CCSER1: variants seen among roughly 807,000 people sequenced by gnomAD.
CCSER1 encodes serine-rich coiled-coil domain-containing protein 1.
CCSER1 carries 41 observed loss-of-function variants against 82.0 expected under a neutral mutation model. The observed-to-expected ratio is 0.50, with a 90% CI of 0.39 to 0.65. The LOEUF (loss-of-function observed/expected upper bound fraction) is 0.65, where lower values mean the gene tolerates loss of function less well. Ranked by LOEUF, CCSER1 falls within the 30% of genes least tolerant of loss-of-function variation. The pLI is 0.00. For missense variants in CCSER1, 1,119 were observed against 1,064.2 expected (o/e 1.05, Z -0.72); for synonymous variants, 414 against 383.9 (o/e 1.08, Z -0.92).
At chr4:90,605,479 T>C (rs1190118760) in intron 5 of CCSER1, among the ~76,000 whole-genome samples, 1 of 152,180 alleles carries the variant, frequency 6.6e-6, no homozygotes, top group Admixed American at 6.5e-5. Flanking sequence ...ACTTAGAAAG[T>C]TTTGAGAAAC....
chr4:90,554,841 TG>T (rs1474571031), intron 5 of CCSER1, among the ~76,000 whole-genome samples: 1 of 152,226 alleles, frequency 6.6e-6, no homozygotes, highest in Non-Finnish European at 1.5e-5. Flanking sequence ...TTTATGCTAC[TG>T]ATCTTTTTAG....
At chr4:90,423,487 G>A (rs971129584) in intron 4 of CCSER1, among the ~76,000 whole-genome samples, 2 of 152,078 alleles carry the variant, frequency 1.3e-5, no homozygotes, top group Non-Finnish European at 2.9e-5. Context: ...GCCTCCCAAA[G>A]TGCGGGGAAT....
intron 1 of CCSER1, among the ~76,000 whole-genome samples, chr4:90,303,835 A>C (rs1231491524): frequency 6.6e-6 from 1 of 151,198 alleles, no homozygotes. Context: ...TCTGCACAGC[A>C]AAAGAAACTA....
intron 8 of CCSER1, among the ~76,000 whole-genome samples, chr4:90,841,544 T>G (rs1482122386): frequency 6.8e-6 from 1 of 147,106 alleles, no homozygotes; most frequent in Non-Finnish European, 1.5e-5. Context: ...CTCCACTGTA[T>G]TCCAGCCTGG....
intron 10 of CCSER1, among the ~76,000 whole-genome samples, chr4:91,389,805 G>T (rs1171883483): frequency 2.0e-5 from 3 of 151,838 alleles, no homozygotes; most frequent in Non-Finnish European, 4.4e-5. Context: ...TATTGTATTA[G>T]ATTTTTACTT....
rs568364263 is a variant in CCSER1 at position 90,167,537 on chromosome 4, A to G, written c.-42+39706A>G. ...TGTGCACAATGTGCAGGTTTGTTAC[A>G]TATGTATACATGTGCCATGTTGGTG... On this transcript the variant is annotated intron_variant, in intron 1 of 10. Coordinates refer to ENST00000509176, the MANE Select transcript of CCSER1 (RefSeq NM_001145065.2). Among the ~76,000 whole-genome samples, 167 of 152,216 alleles carry G rather than the reference A, an allele frequency of 1.1e-3. 3 individuals are homozygous for G. The South Asian group carries it at 0.033, about 30-fold the overall frequency.
chr4:91,265,901 A>G (rs1466724326), intron 10 of CCSER1, among the ~76,000 whole-genome samples: 1 of 152,174 alleles, frequency 6.6e-6, no homozygotes, highest in African/African-American at 2.4e-5. Flanking sequence ...ATGGTCTCAC[A>G]GTTTCACGTG....
chr4:91,230,549 T>A (rs958956875), intron 10 of CCSER1, among the ~76,000 whole-genome samples: 1 of 152,060 alleles, frequency 6.6e-6, no homozygotes, highest in African/African-American at 2.4e-5. Context: ...GTAGAGATTT[T>A]TAAAATTACT....
At chr4:90,838,146 A>G (rs927229018) in intron 8 of CCSER1, among the ~76,000 whole-genome samples, 15 of 151,864 alleles carry the variant, frequency 9.9e-5, no homozygotes, top group African/African-American at 3.4e-4. Context: ...GTAATTTTGT[A>G]TATCCCATAT....
intron 9 of CCSER1, among the ~76,000 whole-genome samples, chr4:91,024,327 A>G (rs1374997925): frequency 1.3e-5 from 2 of 152,214 alleles, no homozygotes; most frequent in Non-Finnish European, 1.5e-5. Context: ...TGAAGCTAAT[A>G]ACAAAAACAG....
At chr4:91,223,133 T>C (rs1174574400) in intron 10 of CCSER1, among the ~76,000 whole-genome samples, 1 of 152,050 alleles carries the variant, frequency 6.6e-6, no homozygotes, top group Non-Finnish European at 1.5e-5. Context: ...TCAAATCTTA[T>C]GAGTTTTGCT....
chr4:91,301,867 A>T (rs1490166451), intron 10 of CCSER1, among the ~76,000 whole-genome samples: 1 of 151,816 alleles, frequency 6.6e-6, no homozygotes, highest in Non-Finnish European at 1.5e-5. Flanking sequence ...GTCAAAATGG[A>T]CCACTTTCTT....
At chr4:90,340,130 C>T (rs112822850) in intron 3 of CCSER1, among the ~76,000 whole-genome samples, 2,825 of 152,010 alleles carry the variant, frequency 0.019, 62 homozygotes, top group African/African-American at 0.05. Context: ...GGTTTTCTGC[C>T]GTTGGAATAG....
intron 10 of CCSER1, among the ~76,000 whole-genome samples, chr4:91,175,839 T>C (rs1384969112): frequency 6.6e-6 from 1 of 152,204 alleles, no homozygotes; most frequent in Non-Finnish European, 1.5e-5. Flanking sequence ...TTAGATCCCA[T>C]TTGTCAATTT....
At chr4:90,556,367 G>A (rs1778140489) in intron 5 of CCSER1, among the ~76,000 whole-genome samples, 2 of 152,032 alleles carry the variant, frequency 1.3e-5, no homozygotes, top group Admixed American at 1.3e-4. Flanking sequence ...TATGAATTGT[G>A]GACATCAGGT....
At chr4:91,441,631 C>T (rs1454613205) in intron 10 of CCSER1, among the ~76,000 whole-genome samples, 4 of 152,234 alleles carry the variant, frequency 2.6e-5, no homozygotes, top group Non-Finnish European at 5.9e-5. Flanking sequence ...GGCAGTTAGG[C>T]AGGAGAAGGA....
At chr4:90,273,655 G>A (rs1350855) in intron 1 of CCSER1, among the ~76,000 whole-genome samples, 57,110 of 151,818 alleles carry the variant, frequency 0.38, 10,859 homozygotes, top group South Asian at 0.47. Context: ...AGTATGTCTC[G>A]AACATATAAA....
chr4:91,112,648 C>T (rs1726192110), intron 10 of CCSER1: 1 of 152,128 alleles, frequency 6.6e-6, no homozygotes, highest in African/African-American at 2.4e-5. Flanking sequence ...GCAGTCTCTA[C>T]TTCAATCTCA....
At chr4:90,366,395 G>T (rs1348517765) in intron 3 of CCSER1, among the ~76,000 whole-genome samples, 2 of 151,668 alleles carry the variant, frequency 1.3e-5, no homozygotes, top group Non-Finnish European at 3.0e-5. Context: ...ATTCATAAGT[G>T]TATAAATTTA....
Sources: allele counts gnomAD v4.1 joint callset (sites outside exome capture counted in the v4.1 genomes callset), GRCh38; gene constraint gnomAD v4.1.1; transcripts MANE v1.5; gene names NCBI Gene and HGNC (gene_info 2026-07-23, HGNC 2026-07-21).